FAM107B: variants seen among roughly 807,000 people sequenced by gnomAD.
FAM107B encodes the protein protein FAM107B.
A neutral mutation model predicts 31.5 loss-of-function variants in FAM107B; 21 were observed. The observed-to-expected ratio is 0.67, with a 90% confidence interval of 0.47 to 0.96. The LOEUF (loss-of-function observed/expected upper bound fraction) is 0.96. Among genes scored for constraint, FAM107B ranks in the 40% least tolerant of loss-of-function variants. The pLI is 0.00. For missense variants in FAM107B, 452 were observed against 377.1 expected, an observed-to-expected ratio of 1.20 and a Z score of -1.64; for synonymous variants, 157 against 141.5, an observed-to-expected ratio of 1.11 and a Z score of -0.78.
At chr10:14,756,240 C>T (rs1832928613) in intron 1 of FAM107B, among the ~76,000 whole-genome samples, 1 of 152,150 alleles carries the variant, frequency 6.6e-6, no homozygotes, top group Non-Finnish European at 1.5e-5. Flanking sequence ...CATTATTCTA[C>T]AAATTGATGA....
At chr10:14,648,479 G>C (rs1404616566) in intron 2 of FAM107B, among the ~76,000 whole-genome samples, 1 of 152,182 alleles carries the variant, frequency 6.6e-6, no homozygotes, top group Non-Finnish European at 1.5e-5. Flanking sequence ...TCTCTCTCAG[G>C]CTCCGAGGGG....
intron 2 of FAM107B, among the ~76,000 whole-genome samples, chr10:14,585,501 A>C (rs1851793753): frequency 6.6e-6 from 1 of 152,216 alleles, no homozygotes; most frequent in Non-Finnish European, 1.5e-5. Context: ...AGGAAAAGCA[A>C]GTACAGTCTC....
chr10:14,637,525 T>C (rs1040497046), intron 2 of FAM107B, among the ~76,000 whole-genome samples: 1 of 152,036 alleles, frequency 6.6e-6, no homozygotes, highest in African/African-American at 2.4e-5. Flanking sequence ...GTGCTTGTAG[T>C]CCCAGCTACT....
At chr10:14,751,044 C>T (rs1832817396) in intron 1 of FAM107B, among the ~76,000 whole-genome samples, 1 of 152,170 alleles carries the variant, frequency 6.6e-6, no homozygotes, top group Admixed American at 6.5e-5. Flanking sequence ...CATGGTGGCA[C>T]ATCTGGGAGG....
In FAM107B at chr10:14,523,054, T is replaced by C. The variant is rs541230196; in HGVS notation, c.654-1035A>G. Among the ~76,000 whole-genome samples, 4 of 152,284 alleles carry C rather than the reference T, an allele frequency of 2.6e-5. No homozygotes were observed. The South Asian group carries it at 8.3e-4, about 32-fold the overall frequency. ...GAAACAAGCCAAACAGGCCATGAAC[T>C]AGCCACCCTCCATCTGAAATATTCG... On this transcript the variant is annotated intron_variant, in intron 3 of 4. Coordinates refer to ENST00000181796, the MANE Select transcript of FAM107B (RefSeq NM_031453.4).
At chr10:14,585,714 G>A (rs1235478275) in intron 2 of FAM107B, among the ~76,000 whole-genome samples, 1 of 152,162 alleles carries the variant, frequency 6.6e-6, no homozygotes, top group Non-Finnish European at 1.5e-5. Context: ...GCCAAGCTCC[G>A]CCCATGAGAC....
chr10:14,567,944 C>A (rs989612219), intron 2 of FAM107B, among the ~76,000 whole-genome samples: 1 of 152,184 alleles, frequency 6.6e-6, no homozygotes, highest in Non-Finnish European at 1.5e-5. Context: ...CCAAAAAGCT[C>A]CTGCTGCCAC....
At chr10:14,730,423 G>A (rs1856147018) in intron 1 of FAM107B, among the ~76,000 whole-genome samples, 1 of 152,148 alleles carries the variant, frequency 6.6e-6, no homozygotes, top group African/African-American at 2.4e-5. Context: ...GGATTTATAG[G>A]CAGATAAAGG....
chr10:14,744,413 C>A (rs1048020779), intron 1 of FAM107B, among the ~76,000 whole-genome samples: 7 of 152,174 alleles, frequency 4.6e-5, no homozygotes, highest in Non-Finnish European at 8.8e-5. Context: ...AGAGGACATC[C>A]TTGTCTTGGG....
intron 2 of FAM107B, among the ~76,000 whole-genome samples, chr10:14,608,157 C>G (rs542668912): frequency 6.6e-6 from 1 of 152,074 alleles, no homozygotes; most frequent in Admixed American, 6.5e-5. Flanking sequence ...CTGAAGAGCT[C>G]CAAAGAGATG....
intron 2 of FAM107B, among the ~76,000 whole-genome samples, chr10:14,600,009 C>T (rs1852331507): frequency 6.6e-6 from 1 of 152,160 alleles, no homozygotes; most frequent in South Asian, 2.1e-4. Flanking sequence ...GTCAAAGCAA[C>T]ATTACCTCCT....
chr10:14,664,293 A>T (rs558792696), intron 2 of FAM107B, among the ~76,000 whole-genome samples: 4 of 152,104 alleles, frequency 2.6e-5, no homozygotes, highest in Admixed American at 2.0e-4. Flanking sequence ...TTTCTCTATA[A>T]CTCACATTTT....
At chr10:14,764,905 T>C (rs1564294342) in intron 1 of FAM107B, among the ~76,000 whole-genome samples, 1 of 152,200 alleles carries the variant, frequency 6.6e-6, no homozygotes, top group African/African-American at 2.4e-5. Flanking sequence ...GTCTTGTCAA[T>C]AAGTTGAAAT....
chr10:14,530,802 T>A (rs2130852512), intron 2 of FAM107B, among the ~76,000 whole-genome samples: 1 of 152,326 alleles, frequency 6.6e-6, no homozygotes, highest in South Asian at 2.1e-4. Context: ...TCACAAAGGA[T>A]GCTTCCTGCC....
At chr10:14,684,791 G>A (rs562219600) in intron 1 of FAM107B, among the ~76,000 whole-genome samples, 1 of 150,654 alleles carries the variant, frequency 6.6e-6, no homozygotes, top group Non-Finnish European at 1.5e-5. Context: ...TTGAATAGAT[G>A]ATTTCCTTTC....
intron 1 of FAM107B, among the ~76,000 whole-genome samples, chr10:14,721,090 C>T (rs539916194): frequency 4.8e-4 from 73 of 152,094 alleles, no homozygotes; most frequent in Middle Eastern, 6.8e-3. Flanking sequence ...TGAGAACATG[C>T]GGTGTTTTGT....
chr10:14,667,965 C>A (rs899418874), intron 1 of FAM107B, among the ~76,000 whole-genome samples: 1 of 152,116 alleles, frequency 6.6e-6, no homozygotes, highest in Non-Finnish European at 1.5e-5. Flanking sequence ...AGTGGTGCAA[C>A]CCAGGGGCCC....
chr10:14,586,412 A>AT (rs926042852), intron 2 of FAM107B, among the ~76,000 whole-genome samples: 3 of 152,016 alleles, frequency 2.0e-5, no homozygotes, highest in Non-Finnish European at 2.9e-5. Context: ...TGGACTGAAT[A>AT]TTTTTTCCTC....
At chr10:14,551,993 C>T (rs957666061) in intron 2 of FAM107B, among the ~76,000 whole-genome samples, 2 of 152,168 alleles carry the variant, frequency 1.3e-5, no homozygotes, top group African/African-American at 4.8e-5. Flanking sequence ...GACCTGCCTT[C>T]TGTGACATAT....
Sources: allele counts gnomAD v4.1 joint callset (sites outside exome capture counted in the v4.1 genomes callset), GRCh38; gene constraint gnomAD v4.1.1; transcripts MANE v1.5; gene names NCBI Gene and HGNC (gene_info 2026-07-23, HGNC 2026-07-21).